CNTN6: variants seen among roughly 807,000 people sequenced by gnomAD.
The protein encoded by CNTN6 is contactin-6.
A neutral mutation model predicts 122.8 loss-of-function variants in CNTN6; 137 were observed. The ratio of observed to expected loss-of-function variants is 1.12; its 90% CI spans 0.97 to 1.29. The LOEUF is 1.29. CNTN6 is among the 50% of genes most tolerant of loss of function. The pLI is 0.00. For missense variants in CNTN6, 1,634 were observed against 1,223.4 expected (o/e 1.34, Z -5.01); for synonymous variants, 570 against 426.0 (o/e 1.34, Z -4.16).
At chr3:1,279,883 G>C (rs565298125) in intron 5 of CNTN6, among the ~76,000 whole-genome samples, 3 of 152,196 alleles carry the variant, frequency 2.0e-5, no homozygotes, top group South Asian at 2.1e-4. Context: ...TTATTAGAGA[G>C]TATTATGGCA....
At position 1,172,620 on chromosome 3, in the gene CNTN6, C is replaced by CTGTG. The variant is rs3836248; in HGVS notation, c.55+24593_55+24596dup. On this transcript the variant is annotated intron_variant, in intron 2 of 22. Transcript: ENST00000446702. Reference sequence around the variant, plus strand: ...AGTGAAGACAGTCTGCAATAACTCTCTGTGTGTGTGTGTGTGTGTGTGTGT... The same window carrying CTGTG: ...AGTGAAGACAGTCTGCAATAACTCTCTGTGTGTGTGTGTGTGTGTGTGTGTGTGT... Among the ~76,000 whole-genome samples, 953 of 150,256 alleles carry CTGTG rather than the reference C, an allele frequency of 6.3e-3. 4 individuals are homozygous for CTGTG. Among genetic ancestry groups the CTGTG allele is most frequent in the East Asian group, 0.011 (58 of 5,096 alleles).
chr3:1,357,968 T>C (rs1308855885), intron 12 of CNTN6, among the ~76,000 whole-genome samples: 1 of 151,868 alleles, frequency 6.6e-6, no homozygotes, highest in Non-Finnish European at 1.5e-5. Flanking sequence ...ACACACAAGA[T>C]ATAGAACATC....
intron 5 of CNTN6, among the ~76,000 whole-genome samples, chr3:1,287,793 A>T (rs1694600835): frequency 6.6e-6 from 1 of 152,176 alleles, no homozygotes; most frequent in Non-Finnish European, 1.5e-5. Context: ...TGCCATGGCA[A>T]CTTCTAGAAG....
At chr3:1,243,928 G>A (rs1168222655) in intron 4 of CNTN6, among the ~76,000 whole-genome samples, 1 of 152,078 alleles carries the variant, frequency 6.6e-6, no homozygotes, top group East Asian at 1.9e-4. Flanking sequence ...ACAGGCGGGA[G>A]GGAAAGAAGG....
At chr3:1,132,657 A>AT (rs1379443496) in intron 1 of CNTN6, among the ~76,000 whole-genome samples, 4 of 133,028 alleles carry the variant, frequency 3.0e-5, no homozygotes, top group African/African-American at 1.2e-4. Flanking sequence ...ACTCTGTCTA[A>AT]AAAATAAATA....
intron 2 of CNTN6, among the ~76,000 whole-genome samples, chr3:1,180,331 C>A (rs2093531178): frequency 6.6e-6 from 1 of 152,186 alleles, no homozygotes; most frequent in Non-Finnish European, 1.5e-5. Context: ...CTTTCCATTT[C>A]TGTGTTGACA....
chr3:1,299,041 G>A (rs1039221267), intron 7 of CNTN6, among the ~76,000 whole-genome samples: 1 of 152,078 alleles, frequency 6.6e-6, no homozygotes, highest in African/African-American at 2.4e-5. Context: ...ATCTTAGTTT[G>A]TTTTCTATAG....
intron 2 of CNTN6, among the ~76,000 whole-genome samples, chr3:1,155,597 T>C (rs17034421): frequency 0.16 from 24,325 of 152,136 alleles, 2,913 homozygotes; most frequent in African/African-American, 0.32. Context: ...GTAACTTCAG[T>C]GTGGTTTGTT....
At chr3:1,107,435 A>G (rs1453030274) in intron 1 of CNTN6, among the ~76,000 whole-genome samples, 1 of 152,106 alleles carries the variant, frequency 6.6e-6, no homozygotes, top group African/African-American at 2.4e-5. Flanking sequence ...TTCATTTGCA[A>G]TTGCCATTCA....
chr3:1,284,799 T>TA (rs1694064685), intron 5 of CNTN6, among the ~76,000 whole-genome samples: 1 of 152,184 alleles, frequency 6.6e-6, no homozygotes, highest in Admixed American at 6.5e-5. Context: ...TGAGACACAT[T>TA]AAGTAAAGGC....
chr3:1,356,159 A>T (rs1329431159), intron 12 of CNTN6, among the ~76,000 whole-genome samples: 13 of 151,838 alleles, frequency 8.6e-5, no homozygotes, highest in Non-Finnish European at 1.8e-4. Flanking sequence ...ATCACATAAA[A>T]GGAGAAATTA....
chr3:1,158,851 T>C (rs1316143852), intron 2 of CNTN6, among the ~76,000 whole-genome samples: 140 of 83,818 alleles, frequency 1.7e-3, no homozygotes, highest in African/African-American at 6.7e-3. Flanking sequence ...TATATATACA[T>C]ACATATATAT....
chr3:1,396,273 T>C (rs1694978835), intron 20 of CNTN6, among the ~76,000 whole-genome samples: 1 of 151,056 alleles, frequency 6.6e-6, no homozygotes, highest in Admixed American at 6.6e-5. Flanking sequence ...CAGCTTGTAG[T>C]ACCCCTGCCA....
At chr3:1,116,864 A>G (rs923621257) in intron 1 of CNTN6, among the ~76,000 whole-genome samples, 2 of 151,906 alleles carry the variant, frequency 1.3e-5, no homozygotes, top group African/African-American at 2.4e-5. Context: ...GCCACCACGC[A>G]TGGCTAATTT....
chr3:1,275,447 T>C (rs73111111), intron 4 of CNTN6, among the ~76,000 whole-genome samples: 1 of 152,312 alleles, frequency 6.6e-6, no homozygotes, highest in African/African-American at 2.4e-5. Flanking sequence ...TCTAGCTTTT[T>C]ACACACACCC....
intron 4 of CNTN6, among the ~76,000 whole-genome samples, chr3:1,241,309 T>TG (rs35861756): frequency 0.3 from 44,653 of 151,132 alleles, 6,907 homozygotes; most frequent in East Asian, 0.44. Flanking sequence ...TGAAAATTTT[T>TG]GGGGGTGGTA....
chr3:1,322,052 T>C (rs1251364556), intron 8 of CNTN6, among the ~76,000 whole-genome samples: 1 of 151,740 alleles, frequency 6.6e-6, no homozygotes, highest in Non-Finnish European at 1.5e-5. Context: ...TATTGTTTAT[T>C]ATATTTGCCT....
intron 12 of CNTN6, among the ~76,000 whole-genome samples, chr3:1,371,306 A>G (rs1043518334): frequency 1.4e-4 from 21 of 152,054 alleles, no homozygotes; most frequent in Non-Finnish European, 2.8e-4. Flanking sequence ...TAGATTCTCC[A>G]TGGGTCATTT....
At chr3:1,129,050 A>G (rs1035583643) in intron 1 of CNTN6, among the ~76,000 whole-genome samples, 1 of 152,048 alleles carries the variant, frequency 6.6e-6, no homozygotes, top group Admixed American at 6.6e-5. Flanking sequence ...AGTGAACTAT[A>G]TTCAAGGAAG....
Sources: allele counts gnomAD v4.1 joint callset (sites outside exome capture counted in the v4.1 genomes callset), GRCh38; gene constraint gnomAD v4.1.1; transcripts MANE v1.5; gene names NCBI Gene and HGNC (gene_info 2026-07-23, HGNC 2026-07-21).